The following ALKBH3 variants were observed in gnomAD, a reference collection of about 807,000 sequenced individuals.
ALKBH3 encodes alpha-ketoglutarate-dependent dioxygenase alkB homolog 3.
In ALKBH3, 51 loss-of-function variants were observed where a neutral mutation model predicts 43.9. The ratio of observed to expected loss-of-function variants is 1.16; its 90% CI spans 0.93 to 1.47. The LOEUF is 1.47. Among genes scored for constraint, ALKBH3 ranks in the 40% most tolerant of loss-of-function variants. The pLI is 0.00. For missense variants in ALKBH3, 361 were observed against 351.9 expected (o/e 1.03, Z -0.21); for synonymous variants, 102 against 115.2 (o/e 0.89, Z 0.73).
At chr11:43,892,467 G>A (rs531450824) in intron 7 of ALKBH3, among the ~76,000 whole-genome samples, 1 of 152,248 alleles carries the variant, frequency 6.6e-6, no homozygotes, top group African/African-American at 2.4e-5. Context: ...TATGACTGAC[G>A]AGTGAGGTCA....
chr11:43,901,478 G>T, intron 7 of ALKBH3, 38 bp from the exon 8 acceptor site: 1 of 1,607,220 alleles, frequency 6.2e-7, no homozygotes, highest in Non-Finnish European at 8.5e-7. Flanking sequence ...TGTGTGTAAT[G>T]CGACTGTCTT....
chr11:43,907,663 C>T (rs372104980), intron 8 of ALKBH3, among the ~76,000 whole-genome samples: 11 of 151,976 alleles, frequency 7.2e-5, no homozygotes, highest in Middle Eastern at 3.2e-3. Context: ...GCTGTCTCAC[C>T]GAGGCAGAGA....
chr11:43,903,080 T>C (rs12805948), intron 8 of ALKBH3, among the ~76,000 whole-genome samples: 17,739 of 152,284 alleles, frequency 0.12, 1,558 homozygotes, highest in Admixed American at 0.3. Flanking sequence ...TGCCATTAAG[T>C]ACCTTTTGTT....
chr11:43,899,622 C>T (rs1212213841), intron 7 of ALKBH3: 4 of 504,856 alleles, frequency 7.9e-6, no homozygotes, highest in Non-Finnish European at 1.5e-5. Context: ...GGACAGCCAG[C>T]TCCACCCTCC....
rs376516201 is a variant in ALKBH3, at chr11:43,886,614, G to T, written c.227G>T (p.Gly76Val). The T allele has an allele frequency of 6.2e-7, 1 of 1,613,964 alleles. No homozygotes were observed. Among genetic ancestry groups the T allele is most frequent in the African/African-American group, 1.3e-5 (1 of 74,906 alleles). Residue 76 changes from glycine (G) to valine (V), a missense_variant, in exon 5 of 10, where the codon GGT (glycine) becomes GTT (valine). Gly to Val is a moderately radical substitution (Grantham distance 109). Transcript: ENST00000302708. ...APEPRVIDREGVYEISLSPTG... is the reference protein window; with the variant it reads ...APEPRVIDREVVYEISLSPTG... ...TTCCTTTGTTTCTTTAGCAGAGAGG[G>T]TGTGTATGAAATCAGCCTGTCACCC... is the stretch of plus-strand genomic sequence containing the variant.
chr11:43,886,890 G>A (rs1951750235), intron 5 of ALKBH3, among the ~76,000 whole-genome samples: 1 of 152,132 alleles, frequency 6.6e-6, no homozygotes, highest in Non-Finnish European at 1.5e-5. Flanking sequence ...ACTTGTAAGT[G>A]GGAGCCGAAT....
intron 7 of ALKBH3, among the ~76,000 whole-genome samples, chr11:43,896,463 C>T (rs1427644845): frequency 3.3e-5 from 5 of 152,158 alleles, no homozygotes; most frequent in African/African-American, 7.2e-5. Flanking sequence ...CACGGGAGAA[C>T]GACGTAGGCT....
chr11:43,898,109 C>T (rs1054451472), intron 7 of ALKBH3: 16 of 1,097,300 alleles, frequency 1.5e-5, no homozygotes, highest in Non-Finnish European at 2.0e-5. Flanking sequence ...AGCCCCAGTG[C>T]ACCTGAGCCC....
intron 8 of ALKBH3, among the ~76,000 whole-genome samples, chr11:43,905,195 A>G (rs1470150879): frequency 6.6e-6 from 1 of 152,194 alleles, no homozygotes; most frequent in Non-Finnish European, 1.5e-5. Flanking sequence ...CCACCCTTGC[A>G]GCAGCTGTTT....
chr11:43,906,229 C>G (rs12575069), intron 8 of ALKBH3, among the ~76,000 whole-genome samples: 27,265 of 152,028 alleles, frequency 0.18, 2,760 homozygotes, highest in South Asian at 0.32. Flanking sequence ...ATGAGAGCAC[C>G]CAATGAATTG....
At position 43,896,090 on chromosome 11, in the gene ALKBH3, G is replaced by A. The variant is rs1951816404; in HGVS notation, c.459+3961G>A. Among the ~76,000 whole-genome samples the A allele has an allele frequency of 2.6e-5, 4 of 152,258 alleles. No individual in the cohort carries two copies. The South Asian group carries it at 8.3e-4, about 32-fold the overall frequency. On this transcript the variant is annotated intron_variant, in intron 7 of 9. Transcript: ENST00000302708. ...ACCGACTGTGGTTATTCAAACTTGA[G>A]TATTTGGCAGACATTTCCTCATAAA...
rs371144291 is a variant in ALKBH3, at chr11:43,898,769, T to C, written c.460-2747T>C. ...AGGGTATTTCCTGTGCTCTGGACGCTGGTTAGTCCATTTATTGATGACAAC... is the reference window on the plus strand; with the variant it reads ...AGGGTATTTCCTGTGCTCTGGACGCCGGTTAGTCCATTTATTGATGACAAC... On this transcript the variant is annotated intron_variant, in intron 7 of 9. Transcript: ENST00000302708. 197 of 747,600 alleles carry C rather than the reference T, an allele frequency of 2.6e-4. 2 individuals carry two copies. In the East Asian group the frequency reaches 3.3e-3, roughly 13 times the overall value. 46.3% of individuals were successfully genotyped at this position (747,600 alleles called of 1,614,324 possible).
chr11:43,919,143 A>T lies in ALKBH3; in HGVS notation c.768+7A>T, dbSNP rs1590384813. The T allele has an allele frequency of 6.2e-7, 1 of 1,602,960 alleles. No homozygotes were observed. The highest frequency in any genetic ancestry group is 8.5e-7 in the Non-Finnish European group (1 of 1,170,168). On this transcript the variant is annotated splice_region_variant and intron_variant, in intron 9 of 9. Transcript: ENST00000302708. Reference sequence around the variant, plus strand: ...GACACAAGCTGACTGGCAGGTGAGGATCTGCAAGTAATATGAATCTGCTTT... The same window carrying T: ...GACACAAGCTGACTGGCAGGTGAGGTTCTGCAAGTAATATGAATCTGCTTT...
chr11:43,897,362 T>G (rs574191020), intron 7 of ALKBH3: 2 of 695,374 alleles, frequency 2.9e-6, no homozygotes, highest in African/African-American at 1.7e-5. Context: ...TTTGTAAGTT[T>G]TAATATCCTC....
chr11:43,890,053 A>G (rs1187911751), intron 6 of ALKBH3, among the ~76,000 whole-genome samples: 1 of 152,198 alleles, frequency 6.6e-6, no homozygotes, highest in East Asian at 1.9e-4. Flanking sequence ...AGGAGGATAG[A>G]GGTGAGAGTT....
intron 7 of ALKBH3, chr11:43,899,134 C>T (rs557672254): frequency 7.0e-5 from 54 of 770,388 alleles, no homozygotes; most frequent in Middle Eastern, 2.3e-4. Flanking sequence ...TCCAAGAGGT[C>T]GCCACAGCCA....
intron 5 of ALKBH3, 54 bp downstream of exon 5, chr11:43,886,707 T>C: frequency 6.5e-7 from 1 of 1,550,316 alleles, no homozygotes; most frequent in Non-Finnish European, 8.9e-7. Flanking sequence ...TATAGTCTCT[T>C]AAAATAGTTT....
intron 7 of ALKBH3, chr11:43,899,155 A>G (rs1029307583): frequency 5.1e-6 from 4 of 787,880 alleles, no homozygotes; most frequent in Admixed American, 3.5e-5. Context: ...CCCAAAAAGG[A>G]CTCCCTAGGG....
At chr11:43,881,655 A>G (rs750609518) in intron 1 of ALKBH3, among the ~76,000 whole-genome samples, 26 of 152,350 alleles carry the variant, frequency 1.7e-4, no homozygotes, top group Non-Finnish European at 2.1e-4. Context: ...GGAACTTGTT[A>G]AACACACAGA....
Sources: allele counts gnomAD v4.1 joint callset (sites outside exome capture counted in the v4.1 genomes callset), GRCh38; gene constraint gnomAD v4.1.1; transcripts MANE v1.5; gene names NCBI Gene and HGNC (gene_info 2026-07-23, HGNC 2026-07-21).